The following ALYREF variants were observed in gnomAD, a reference collection of about 807,000 sequenced individuals.
ALYREF encodes the protein THO complex subunit 4.
A neutral mutation model predicts 25.2 loss-of-function variants in ALYREF; 1 was observed. That is an observed-to-expected ratio of 0.04 (90% CI 0.01 to 0.19). The LOEUF (loss-of-function observed/expected upper bound fraction) is 0.19, where lower values mean the gene tolerates loss of function less well. ALYREF is among the 10% of genes least tolerant of loss of function. The pLI, the probability that ALYREF is intolerant of heterozygous loss-of-function variation, is 1.00. For synonymous variants in ALYREF, 193 were observed against 153.5 expected (o/e 1.26, Z -1.90); for missense variants, 328 against 375.6 (o/e 0.87, Z 1.05).
In ALYREF at chr17:81,888,450, C is replaced by A; in HGVS notation, c.603-32G>T. On this transcript the variant is annotated intron_variant, in intron 4 of 5. Coordinates refer to ENST00000505490, the MANE Select transcript of ALYREF (RefSeq NM_005782.4). This position sits in a 1 kb window ranked among gnomAD's most constrained non-coding sequence, Gnocchi z 5.8. The stretch of plus-strand genomic sequence containing the variant: ...AGGAAGACGAAACCGTTCACACACC[C>A]GGAAGGACCCTAAGAGCGACGCAGC... The A allele has an allele frequency of 6.2e-7, 1 of 1,603,746 alleles. No homozygotes were observed. The highest frequency in any genetic ancestry group is 2.2e-5 in the East Asian group (1 of 44,628).
Position 81,888,940 on chromosome 17 carries a change from C to G in ALYREF, c.538+242G>C, listed in dbSNP as rs2039466937. ...CTATGGCGGTTCTGAGAAGGCTTCA[C>G]AGAAGTGAATCTTCCGGAAGGAGCT... On this transcript the variant is annotated intron_variant, in intron 3 of 5. Transcript: ENST00000505490. The surrounding 1 kb of genome is among the most constrained non-coding windows in gnomAD (Gnocchi z 5.8). 7.1e-7 allele frequency: 1 copy of G among 1,413,966 alleles called. No homozygotes were observed. Among genetic ancestry groups the G allele is most frequent in the Non-Finnish European group, 9.2e-7 (1 of 1,086,282 alleles). The allele number at this position is 1,413,966 out of a possible 1,614,324, so 87.6% of individuals were successfully genotyped here.
At chr17:81,889,584 A>G (rs1018273160) in intron 2 of ALYREF, among the ~76,000 whole-genome samples, 2 of 152,260 alleles carry the variant, frequency 1.3e-5, no homozygotes, top group Non-Finnish European at 1.5e-5. Context: ...TGCAAAGCCC[A>G]CTAGCAACGG....
In ALYREF at chr17:81,888,217, C is replaced by A; in HGVS notation, c.780+24G>T. The A allele has an allele frequency of 6.2e-7, 1 of 1,613,898 alleles. No homozygotes were observed. On this transcript the variant is annotated intron_variant, in intron 5 of 5. Coordinates refer to ENST00000505490, the MANE Select transcript of ALYREF (RefSeq NM_005782.4). This position sits in a 1 kb window ranked among gnomAD's most constrained non-coding sequence, Gnocchi z 5.8. ...CCCCACTGCGGCTTTGACCAGGCCC[C>A]CAGCTGGCTCCCCCGGGACTCACTC...
chr17:81,891,304 G>C lies in ALYREF; in HGVS notation c.258+19C>G, dbSNP rs2039524296. The C allele has an allele frequency of 2.6e-6, 3 of 1,132,772 alleles. No individual in the cohort carries two copies. The Admixed American group carries it at 1.5e-4, about 58-fold the overall frequency. 70.2% of individuals were successfully genotyped at this position (1,132,772 alleles called of 1,614,324 possible). ...CTGGCCCCCTCCCACTCTCCGGCGC[G>C]GCCGGCCTCCGCACTCACCCTGCTG... On this transcript the variant is annotated intron_variant, in intron 1 of 5. Transcript: ENST00000505490.
At chr17:81,890,510 G>T (rs924080969) in intron 2 of ALYREF, among the ~76,000 whole-genome samples, 179 bp downstream of exon 2, 1 of 152,168 alleles carries the variant, frequency 6.6e-6, no homozygotes, top group Admixed American at 6.5e-5. Flanking sequence ...GGCTCAGCTA[G>T]GCTCGCACCT....
rs1477399181 is a variant in ALYREF, at chr17:81,891,368, G to A, written c.213C>T (p.Gly71=). The change falls in exon 1 of 6, where the codon GGC becomes GGT. Residue 71 remains glycine, a synonymous_variant. Transcript: ENST00000505490. The part of the protein sequence containing the change: ...PIRNRPAIAR[G]AAGGGGRNRP... ...GGTTCCTGCCGCCTCCGCCGGCCGC[G>A]CCGCGGGCGATGGCCGGCCGGTTCC... 5.2e-6 allele frequency: 6 copies of A among 1,149,334 alleles called. No individual in the cohort carries two copies. The highest frequency in any genetic ancestry group is 5.0e-5 in the African/African-American group (3 of 60,004). The allele number at this position is 1,149,334 out of a possible 1,614,324, so 71.2% of individuals were successfully genotyped here. A position where few individuals can be genotyped will look rare whatever the true frequency, so the allele number is the denominator to read the frequency against.
rs1451431895 is a variant in ALYREF, at chr17:81,890,701, G to A, written c.378C>T (p.Asp126=). ...CCTCGTCTCTTACCTGAATATCGGC[G>A]TCTGAGACTCCAAAATCCAGATTGG... ...LVSNLDFGVS[D]ADIQELFAEF... is the part of the protein sequence containing the mutation. Residue 126 remains aspartate (D), a synonymous_variant, in exon 2 of 6, where the codon GAC becomes GAT. Transcript: ENST00000505490. The A allele has an allele frequency of 1.9e-6, 3 of 1,613,722 alleles. No individual in the cohort carries two copies. The highest frequency in any genetic ancestry group is 2.7e-5 in the African/African-American group (2 of 74,864).
chr17:81,889,063 C>A, intron 3 of ALYREF, 119 bp downstream of exon 3: 1 of 1,482,948 alleles, frequency 6.7e-7, no homozygotes, highest in Admixed American at 2.2e-5. Context: ...AAGAGAGAGA[C>A]AAAGGGGCAA....
Position 81,888,918 on chromosome 17 carries a change from T to C in ALYREF, c.538+264A>G, listed in dbSNP as rs2039466690. Reference sequence around the variant, plus strand: ...CAGCCCCGCACTCAGAGGTGTACTATGGCGGTTCTGAGAAGGCTTCACAGA... The same window carrying C: ...CAGCCCCGCACTCAGAGGTGTACTACGGCGGTTCTGAGAAGGCTTCACAGA... On this transcript the variant is annotated intron_variant, in intron 3 of 5. Transcript: ENST00000505490. The surrounding 1 kb of genome is among the most constrained non-coding windows in gnomAD (Gnocchi z 5.8). 2 of 1,412,156 alleles carry C rather than the reference T, an allele frequency of 1.4e-6. No individual in the cohort carries two copies. Among genetic ancestry groups the C allele is most frequent in the Non-Finnish European group, 1.8e-6 (2 of 1,085,176 alleles). The allele number at this position is 1,412,156 out of a possible 1,614,324, so 87.5% of individuals were successfully genotyped here.
chr17:81,888,510 C>T lies in ALYREF; in HGVS notation c.602+10G>A, dbSNP rs758822537. The T allele has an allele frequency of 5.0e-5, 80 of 1,599,354 alleles. No individual in the cohort carries two copies. The highest frequency in any genetic ancestry group is 6.4e-5 in the Non-Finnish European group (75 of 1,172,238). ...GGCCAATCCCCTTCCCCAGAGGCCC[C>T]GGAAGTCACCTCTGTGCAGGCCTCC... On this transcript the variant is annotated intron_variant, in intron 4 of 5. Transcript: ENST00000505490. The surrounding 1 kb of genome is among the most constrained non-coding windows in gnomAD (Gnocchi z 5.8).
intron 1 of ALYREF, 42 bp from the exon 2 acceptor site, chr17:81,890,862 G>A (rs1340305126): frequency 3.1e-6 from 5 of 1,613,502 alleles, no homozygotes; most frequent in Non-Finnish European, 4.2e-6. Context: ...GTGAGTCTCA[G>A]TCCAGGGCTT....
rs2039460972 is a variant in ALYREF at position 81,888,430 on chromosome 17, G to A, written c.603-12C>T. On this transcript the variant is annotated splice_polypyrimidine_tract_variant and intron_variant, in intron 4 of 5. Coordinates refer to ENST00000505490, the MANE Select transcript of ALYREF (RefSeq NM_005782.4). The surrounding 1 kb of genome is among the most constrained non-coding windows in gnomAD (Gnocchi z 5.8). ...CACCTCTGTTTACGCTAGCAAGGAA[G>A]ACGAAACCGTTCACACACCCGGAAG... 4 of 1,598,914 alleles carry A rather than the reference G, an allele frequency of 2.5e-6. No individual in the cohort carries two copies. Among genetic ancestry groups the A allele is most frequent in the Middle Eastern group, 1.7e-4 (1 of 6,026 alleles).
At position 81,888,244 on chromosome 17, in the gene ALYREF, C is replaced by G. The variant is rs745980726; in HGVS notation, c.777G>C (p.Ala259=). ...ELDAQLDAYN[A]RMDTS is the part of the protein sequence containing the mutation. ...AGCTGGCTCCCCCGGGACTCACTCT[C>G]GCATTATAGGCGTCCAGCTGGGCAT... Residue 259 remains alanine, a synonymous_variant, in exon 5 of 6, where the codon GCG becomes GCC. Transcript: ENST00000505490. This position sits in a 1 kb window ranked among gnomAD's most constrained non-coding sequence, Gnocchi z 5.8. The G allele has an allele frequency of 2.5e-6, 4 of 1,612,992 alleles. No homozygotes were observed. Among genetic ancestry groups the G allele is most frequent in the South Asian group, 2.2e-5 (2 of 91,078 alleles).
chr17:81,888,527 C>A lies in ALYREF; in HGVS notation c.595G>T (p.Ala199Ser). 1.3e-6 allele frequency: 2 copies of A among 1,598,098 alleles called. No individual in the cohort carries two copies. The highest frequency in any genetic ancestry group is 1.7e-6 in the Non-Finnish European group (2 of 1,171,570). Residue 199 changes from alanine to serine, a missense_variant, in exon 4 of 6, where the codon GCA (alanine) becomes TCA (serine). Coordinates refer to ENST00000505490, the MANE Select transcript of ALYREF (RefSeq NM_005782.4). This position sits in a 1 kb window ranked among gnomAD's most constrained non-coding sequence, Gnocchi z 5.8. ...AGAGGCCCCGGAAGTCACCTCTGTG[C>A]AGGCCTCCGCTGTGCGTCAATCTGT... ...TSQIDAQRRP[A>S]QSVNRGGMTR...
At chr17:81,890,851 T>C in intron 1 of ALYREF, 31 bp from the exon 2 acceptor site, 1 of 1,613,812 alleles carries the variant, frequency 6.2e-7, no homozygotes, top group Non-Finnish European at 8.5e-7. Flanking sequence ...AGAGCAGATC[T>C]GTGAGTCTCA....
rs747596119 is a variant in ALYREF, at chr17:81,889,213, G to A, written c.507C>T (p.Ala169=). 3.7e-6 allele frequency: 6 copies of A among 1,614,072 alleles called. No individual in the cohort carries two copies. The highest frequency in any genetic ancestry group is 1.7e-5 in the Admixed American group (1 of 59,994). The part of the protein sequence containing the change: ...HFERKADALK[A]MKQYNGVPLD... ...GAGGGACGCCGTTGTACTGCTTCAT[G>A]GCCTTCAGGGCATCTGCCTTCCGCT... The change falls in exon 3 of 6, where the codon GCC becomes GCT. Residue 169 remains alanine (A), a synonymous_variant. Coordinates refer to ENST00000505490, the MANE Select transcript of ALYREF (RefSeq NM_005782.4).
intron 2 of ALYREF, 109 bp downstream of exon 2, chr17:81,890,580 G>A (rs1361882214): frequency 6.7e-7 from 1 of 1,496,066 alleles, no homozygotes; most frequent in Admixed American, 1.9e-5. Context: ...CTTCAGAGCT[G>A]GGAGGGCTCC....
chr17:81,888,732 G>A lies in ALYREF; in HGVS notation c.539-149C>T. ...ACAAGGGAAATGGCCTGGAGATACT[G>A]GTGGGAGAACAAAATGGCAAGGAAG... On this transcript the variant is annotated intron_variant, in intron 3 of 5. Coordinates refer to ENST00000505490, the MANE Select transcript of ALYREF (RefSeq NM_005782.4). This position sits in a 1 kb window ranked among gnomAD's most constrained non-coding sequence, Gnocchi z 5.8. The A allele has an allele frequency of 6.8e-7, 1 of 1,467,234 alleles. No homozygotes were observed. The allele number at this position is 1,467,234 out of a possible 1,614,324, so 90.9% of individuals were successfully genotyped here. A position where few individuals can be genotyped will look rare whatever the true frequency, so the allele number is the denominator to read the frequency against.
At chr17:81,889,501 A>G (rs1251366911) in intron 2 of ALYREF, among the ~76,000 whole-genome samples, 172 bp from the exon 3 acceptor site, 1 of 152,204 alleles carries the variant, frequency 6.6e-6, no homozygotes, top group Non-Finnish European at 1.5e-5. Flanking sequence ...GCAACTTCCA[A>G]GAGCACCTGG....
Sources: allele counts gnomAD v4.1 joint callset (sites outside exome capture counted in the v4.1 genomes callset), GRCh38; gene constraint gnomAD v4.1.1; non-coding constraint Gnocchi (gnomAD v3.1); transcripts MANE v1.5; gene names NCBI Gene and HGNC (gene_info 2026-07-23, HGNC 2026-07-21).